FGF14: variants seen among roughly 807,000 people sequenced by gnomAD.
FGF14 encodes fibroblast growth factor 14.
A neutral mutation model predicts 25.5 loss-of-function variants in FGF14; 5 were observed. That is an observed-to-expected ratio of 0.20 (90% CI 0.10 to 0.41). The LOEUF (loss-of-function observed/expected upper bound fraction) is 0.41. FGF14 is among the 10% of genes least tolerant of loss of function. The pLI is 1.00. For synonymous variants in FGF14, 138 were observed against 118.3 expected, an observed-to-expected ratio of 1.17 and a Z score of -1.08; for missense variants, 222 against 320.1, an observed-to-expected ratio of 0.69 and a Z score of 2.34.
chr13:101,799,101 G>A (rs1257356739), intron 3 of FGF14, among the ~76,000 whole-genome samples: 2 of 152,042 alleles, frequency 1.3e-5, no homozygotes, highest in Admixed American at 6.6e-5. Flanking sequence ...AATTTTTTAT[G>A]CAACATGAGT....
intron 1 of FGF14, among the ~76,000 whole-genome samples, chr13:101,994,863 C>A (rs1319669332): frequency 3.3e-5 from 5 of 151,992 alleles, no homozygotes; most frequent in South Asian, 2.1e-4. Context: ...AATCAAAAGG[C>A]CTGTTACAGT....
intron 3 of FGF14, among the ~76,000 whole-genome samples, chr13:101,799,525 C>T (rs1028169830): frequency 5.7e-4 from 87 of 151,896 alleles, no homozygotes; most frequent in African/African-American, 1.9e-3. Context: ...CAAAACATGG[C>T]GTTAGGTCAA....
At chr13:102,111,569 A>G (rs1566699409) in intron 1 of FGF14, among the ~76,000 whole-genome samples, 1 of 152,092 alleles carries the variant, frequency 6.6e-6, no homozygotes, top group African/African-American at 2.4e-5. Flanking sequence ...TACAAAAATT[A>G]GCCGGGTGTA....
At chr13:102,388,950 A>C (rs1301863019) in intron 1 of FGF14, among the ~76,000 whole-genome samples, 1 of 152,146 alleles carries the variant, frequency 6.6e-6, no homozygotes, top group Non-Finnish European at 1.5e-5. Context: ...AACTTCCCAT[A>C]ACTCCCAATC....
intron 1 of FGF14, among the ~76,000 whole-genome samples, chr13:102,269,944 C>G (rs539456734): frequency 3.9e-5 from 6 of 152,290 alleles, no homozygotes; most frequent in African/African-American, 1.4e-4. Flanking sequence ...TTGCATCTCA[C>G]CACGCCCGAG....
chr13:101,863,949 G>C lies in FGF14; in HGVS notation c.408+4776C>G, dbSNP rs1157183234. ...ACACATCAATAAGAGAAGCCTGCTG[G>C]CACAGAGGAGGGCAGGTGAAACCAC... On this transcript the variant is annotated intron_variant, in intron 3 of 4. Transcript: ENST00000376143. Among the ~76,000 whole-genome samples the C allele has an allele frequency of 2.6e-5, 4 of 152,152 alleles. No homozygotes were observed. In the East Asian group the frequency reaches 7.8e-4, roughly 29 times the overall value.
chr13:102,267,954 C>CAA (rs202149885), intron 1 of FGF14, among the ~76,000 whole-genome samples: 1 of 145,722 alleles, frequency 6.9e-6, no homozygotes, highest in African/African-American at 2.5e-5. Flanking sequence ...TCAAAAAATA[C>CAA]AAAAAAAAAG....
At chr13:102,360,850 A>G (rs2057544424) in intron 1 of FGF14, among the ~76,000 whole-genome samples, 1 of 152,080 alleles carries the variant, frequency 6.6e-6, no homozygotes, top group African/African-American at 2.4e-5. Context: ...TAAACACTGG[A>G]CAGTACACAT....
At chr13:101,922,862 CAAA>C (rs575930364) in intron 1 of FGF14, among the ~76,000 whole-genome samples, 1 of 150,362 alleles carries the variant, frequency 6.7e-6, no homozygotes, top group Non-Finnish European at 1.5e-5. Flanking sequence ...TTCAAATGAA[CAAA>C]AAAATCCAAA....
At chr13:101,811,497 T>C (rs984713506) in intron 3 of FGF14, among the ~76,000 whole-genome samples, 15 of 152,208 alleles carry the variant, frequency 9.9e-5, no homozygotes, top group African/African-American at 3.6e-4. Flanking sequence ...TGCCAGTTAT[T>C]TATCTATGCT....
rs1566765319 is a variant in FGF14 at position 102,161,655 on chromosome 13, GA to G, written c.208+239815del. 2.1e-4 allele frequency among the ~76,000 whole-genome samples: 4 copies of G among 19,286 alleles called. 1 individual carries two copies. The highest frequency in any genetic ancestry group is 4.8e-4 in the Non-Finnish European group (4 of 8,310). The allele number at this position is 19,286 out of a possible 152,430, so 12.7% of individuals were successfully genotyped here. ...AGAAGAAGAAGAAGAAGAAGAAGAA[GA>G]AGAAGAAGAAGAAGAAGAAGAAGAA... is the stretch of plus-strand genomic sequence containing the variant. On this transcript the variant is annotated intron_variant, in intron 1 of 4. Coordinates refer to the FGF14 transcript ENST00000376131.
chr13:102,369,273 C>T (rs779040843), intron 1 of FGF14, among the ~76,000 whole-genome samples: 1 of 152,142 alleles, frequency 6.6e-6, no homozygotes, highest in Non-Finnish European at 1.5e-5. Context: ...CACTGCAGCA[C>T]AGAAAAAGTG....
chr13:102,236,293 T>C lies in FGF14; in HGVS notation c.208+165178A>G, dbSNP rs185918228. Among the ~76,000 whole-genome samples the C allele has an allele frequency of 9.8e-5, 15 of 152,302 alleles. No homozygotes were observed. The South Asian group carries it at 1.0e-3, about 11-fold the overall frequency. ...TCTTGGGGTCTGGATCAGGACCCCTTTCTGGTAACAGGATCAGCAGATCAG... is the reference window on the plus strand; with the variant it reads ...TCTTGGGGTCTGGATCAGGACCCCTCTCTGGTAACAGGATCAGCAGATCAG... On this transcript the variant is annotated intron_variant, in intron 1 of 4. Transcript: ENST00000376131.
intron 1 of FGF14, among the ~76,000 whole-genome samples, chr13:102,201,102 CAAAAAAAAAAAAA>C (rs60149871): frequency 4.8e-5 from 3 of 62,718 alleles, no homozygotes; most frequent in Admixed American, 2.5e-4. Context: ...CTCCGTCTCT[CAAAAAAAAAAAAA>C]AAAAAAAAAA....
chr13:101,719,191 TAA>T lies in FGF14; in HGVS notation c.*3638_*3639del, dbSNP rs2034832826. 1 of 152,108 alleles carries T rather than the reference TAA, an allele frequency of 6.6e-6. No homozygotes were observed. The highest frequency in any genetic ancestry group is 1.5e-5 in the Non-Finnish European group (1 of 68,004). 9.4% of individuals were successfully genotyped at this position (152,108 alleles called of 1,614,324 possible). On this transcript the variant is annotated 3_prime_UTR_variant, in exon 5 of 5. Coordinates refer to ENST00000376143, the MANE Select transcript of FGF14 (RefSeq NM_004115.4). ...ATACGTGTCTAACTTACTTAAAGAA[TAA>T]GTTTTTGGTTTTTGCTTTTAAAGAC...
intron 1 of FGF14, among the ~76,000 whole-genome samples, chr13:102,168,591 A>G (rs2048117552): frequency 6.6e-6 from 1 of 152,204 alleles, no homozygotes; most frequent in Admixed American, 6.6e-5. Flanking sequence ...GTAGGAACTG[A>G]AAAATGCTTT....
intron 1 of FGF14, among the ~76,000 whole-genome samples, chr13:101,940,316 T>A (rs943371297): frequency 6.6e-6 from 1 of 152,104 alleles, no homozygotes; most frequent in African/African-American, 2.4e-5. Context: ...ATGCAAGAGG[T>A]GGCGGTCAAG....
intron 1 of FGF14, among the ~76,000 whole-genome samples, chr13:102,004,303 G>A (rs2039664898): frequency 6.6e-6 from 1 of 152,098 alleles, no homozygotes. Flanking sequence ...AAAGAGATGA[G>A]TCACTTCAGA....
chr13:101,943,818 A>AC (rs2035608369), intron 1 of FGF14, among the ~76,000 whole-genome samples: 1 of 115,962 alleles, frequency 8.6e-6, no homozygotes, highest in African/African-American at 6.9e-5. Flanking sequence ...TACTTAAAAA[A>AC]AAAAAAAAAT....
Sources: allele counts gnomAD v4.1 joint callset (sites outside exome capture counted in the v4.1 genomes callset), GRCh38; gene constraint gnomAD v4.1.1; transcripts MANE v1.5; gene names NCBI Gene and HGNC (gene_info 2026-07-23, HGNC 2026-07-21).